Variants in RABGAP1L observed in about 807,000 individuals in gnomAD.
RABGAP1L encodes RAB GTPase activating protein 1 like.
Under a neutral mutation model 137.7 loss-of-function variants are expected in RABGAP1L, and 63 were observed. The ratio of observed to expected loss-of-function variants is 0.46; its 90% CI spans 0.37 to 0.56. The LOEUF (loss-of-function observed/expected upper bound fraction) is 0.56, where lower values mean the gene tolerates loss of function less well. Ranked by LOEUF, RABGAP1L falls within the 20% of genes least tolerant of loss-of-function variation. RABGAP1L has a pLI of 0.00. For missense variants in RABGAP1L, 1,095 were observed against 1,244.0 expected (o/e 0.88, Z 1.80); for synonymous variants, 431 against 433.7 (o/e 0.99, Z 0.08).
At chr1:174,481,889 AAAAG>A (rs1233840406) in intron 13 of RABGAP1L, among the ~76,000 whole-genome samples, 13 of 148,618 alleles carry the variant, frequency 8.7e-5, no homozygotes, top group African/African-American at 3.0e-4. Flanking sequence ...AATAAAAAAA[AAAAG>A]AAAAAAAAAG....
chr1:174,468,166 T>G (rs1206275589), intron 13 of RABGAP1L, among the ~76,000 whole-genome samples: 1 of 152,102 alleles, frequency 6.6e-6, no homozygotes, highest in African/African-American at 2.4e-5. Flanking sequence ...CTTATTTACT[T>G]CTTTATACCA....
chr1:174,542,930 C>G (rs1258683967), intron 13 of RABGAP1L, among the ~76,000 whole-genome samples: 2 of 152,148 alleles, frequency 1.3e-5, no homozygotes, highest in East Asian at 3.8e-4. Flanking sequence ...ATCCTGAGTT[C>G]TAGTTTGATT....
intron 13 of RABGAP1L, among the ~76,000 whole-genome samples, chr1:174,635,825 A>G (rs1403831720): frequency 6.6e-6 from 1 of 152,236 alleles, no homozygotes; most frequent in Admixed American, 6.5e-5. Context: ...GAAGGCAGCA[A>G]GAAAGGGTAG....
intron 17 of RABGAP1L, among the ~76,000 whole-genome samples, chr1:174,711,132 G>A (rs1429906356): frequency 6.6e-6 from 1 of 152,148 alleles, no homozygotes; most frequent in Non-Finnish European, 1.5e-5. Flanking sequence ...GCCGCTGTGA[G>A]TGCGGGGCCT....
intron 19 of RABGAP1L, among the ~76,000 whole-genome samples, chr1:174,895,128 G>A (rs1178300948): frequency 6.6e-6 from 1 of 152,010 alleles, no homozygotes; most frequent in African/African-American, 2.4e-5. Context: ...GTCAAAACAT[G>A]GTAGATATTC....
rs1267562130 is a variant in RABGAP1L, at chr1:174,750,018, T to C, written c.2170-2295T>C. Among the ~76,000 whole-genome samples, 6 of 152,052 alleles carry C rather than the reference T, an allele frequency of 3.9e-5. No individual in the cohort carries two copies. In the East Asian group the frequency reaches 5.8e-4, roughly 15 times the overall value. ...CCAAGTAGCTGGGACTACAGGCGCC[T>C]GCCACCACGCCCGGCTAATTTTTTG... On this transcript the variant is annotated intron_variant, in intron 17 of 25. Coordinates refer to ENST00000681986, the MANE Select transcript of RABGAP1L (RefSeq NM_001366446.1).
intron 13 of RABGAP1L, among the ~76,000 whole-genome samples, chr1:174,557,742 A>G (rs1194054457): frequency 6.6e-6 from 1 of 152,230 alleles, no homozygotes; most frequent in Non-Finnish European, 1.5e-5. Context: ...CTAAATCCTT[A>G]TAGGAATACA....
chr1:174,638,103 C>T (rs935680570), intron 14 of RABGAP1L, among the ~76,000 whole-genome samples: 2 of 152,046 alleles, frequency 1.3e-5, no homozygotes, highest in African/African-American at 4.8e-5. Flanking sequence ...ATCAGAAATG[C>T]AGAATGAAGT....
chr1:174,432,305 G>A (rs945960883), intron 13 of RABGAP1L, among the ~76,000 whole-genome samples: 1 of 152,148 alleles, frequency 6.6e-6, no homozygotes, highest in Non-Finnish European at 1.5e-5. Flanking sequence ...TTTTATGGCT[G>A]TGTAGTATCG....
intron 17 of RABGAP1L, among the ~76,000 whole-genome samples, chr1:174,744,364 T>C (rs1683701709): frequency 1.3e-5 from 2 of 152,210 alleles, no homozygotes; most frequent in Non-Finnish European, 2.9e-5. Flanking sequence ...TTTTTGCGTG[T>C]TAATTATCTG....
chr1:174,917,590 A>G (rs967238569), intron 19 of RABGAP1L, among the ~76,000 whole-genome samples: 1 of 152,134 alleles, frequency 6.6e-6, no homozygotes. Context: ...AAGCTGCACT[A>G]TTTACAGTTT....
At chr1:174,744,448 C>A (rs1683709498) in intron 17 of RABGAP1L, among the ~76,000 whole-genome samples, 1 of 152,056 alleles carries the variant, frequency 6.6e-6, no homozygotes, top group Non-Finnish European at 1.5e-5. Flanking sequence ...TCAGAGAAGC[C>A]AAATGGATTT....
At chr1:174,324,459 G>A (rs1387635627) in intron 11 of RABGAP1L, among the ~76,000 whole-genome samples, 1 of 152,096 alleles carries the variant, frequency 6.6e-6, no homozygotes, top group South Asian at 2.1e-4. Flanking sequence ...GGAGGAAAAT[G>A]TATTCAGTTT....
chr1:174,397,725 A>G (rs949383161), intron 13 of RABGAP1L, among the ~76,000 whole-genome samples: 7 of 152,176 alleles, frequency 4.6e-5, no homozygotes, highest in African/African-American at 1.7e-4. Context: ...AAGAAAAACA[A>G]AGTCTACTCA....
chr1:174,672,550 A>T (rs971971411), intron 14 of RABGAP1L, among the ~76,000 whole-genome samples: 3 of 151,772 alleles, frequency 2.0e-5, no homozygotes, highest in African/African-American at 7.3e-5. Context: ...GAGATCCAAG[A>T]TTAGGTTTTT....
chr1:174,646,313 T>A (rs527517542), intron 14 of RABGAP1L, among the ~76,000 whole-genome samples: 5 of 152,318 alleles, frequency 3.3e-5, no homozygotes, highest in Non-Finnish European at 2.9e-5. Context: ...TGGTATTGCC[T>A]AGGTTTTCTT....
intron 19 of RABGAP1L, among the ~76,000 whole-genome samples, chr1:174,890,572 A>T (rs1311096728): frequency 1.3e-5 from 2 of 152,216 alleles, no homozygotes; most frequent in Admixed American, 1.3e-4. Context: ...TGCACACAGT[A>T]TCAGAATTTC....
chr1:174,167,233 G>C (rs944828402), intron 1 of RABGAP1L, among the ~76,000 whole-genome samples: 1 of 152,134 alleles, frequency 6.6e-6, no homozygotes, highest in Non-Finnish European at 1.5e-5. Context: ...TTTGAGGCAT[G>C]TTAGTTTTCA....
chr1:174,443,643 G>T (rs188321942), intron 13 of RABGAP1L, among the ~76,000 whole-genome samples: 3 of 151,822 alleles, frequency 2.0e-5, no homozygotes, highest in Admixed American at 2.0e-4. Context: ...CCTGTTCACC[G>T]TGTTGATTAT....
Sources: gnomAD v4.1 joint callset for allele counts (sites outside exome capture counted in the v4.1 genomes callset) on GRCh38, gnomAD v4.1.1 for gene constraint, MANE v1.5 for transcripts, NCBI Gene and HGNC (gene_info 2026-07-23, HGNC 2026-07-21) for gene names.